Variants in TEC observed in about 807,000 individuals in gnomAD.
TEC encodes tec protein tyrosine kinase, also known as tyrosine-protein kinase Tec.
Under a neutral mutation model 93.0 loss-of-function variants are expected in TEC, and 72 were observed. That is an observed-to-expected ratio of 0.77 (90% confidence interval 0.64 to 0.94). TEC has a LOEUF of 0.94. Ranked by LOEUF, TEC falls within the 40% of genes least tolerant of loss-of-function variation. The probability of loss-of-function intolerance (pLI) is 0.00; values close to 1 mark genes in which losing one functional copy is unlikely to be tolerated. For missense variants in TEC, 630 were observed against 757.9 expected, an observed-to-expected ratio of 0.83 and a Z score of 1.98; for synonymous variants, 249 against 247.7, an observed-to-expected ratio of 1.01 and a Z score of -0.05.
rs543391558 is a variant in TEC at position 48,147,251 on chromosome 4, A to G, written c.1007-852T>C. Among the ~76,000 whole-genome samples, 4 of 152,372 alleles carry G rather than the reference A, an allele frequency of 2.6e-5. No homozygotes were observed. In the East Asian group the frequency reaches 7.7e-4, roughly 29 times the overall value. On this transcript the variant is annotated intron_variant, in intron 11 of 17. Transcript: ENST00000381501. Reference sequence around the variant, plus strand: ...TAAACACAGAGTTACCATATGACGCAGCATACCCATAACTAGGTAAATACC... The same window carrying G: ...TAAACACAGAGTTACCATATGACGCGGCATACCCATAACTAGGTAAATACC...
intron 2 of TEC, among the ~76,000 whole-genome samples, chr4:48,213,390 CT>C (rs1344107788): frequency 1.3e-5 from 2 of 152,140 alleles, no homozygotes; most frequent in African/African-American, 4.8e-5. Context: ...AAATGAAGAG[CT>C]TTGGTAAGAA....
chr4:48,222,681 C>G (rs902700725), intron 2 of TEC, among the ~76,000 whole-genome samples: 9 of 150,198 alleles, frequency 6.0e-5, no homozygotes, highest in African/African-American at 2.2e-4. Flanking sequence ...TTTTCCTTGC[C>G]TCACTACTTG....
chr4:48,242,877 C>A (rs1723955933), intron 1 of TEC, among the ~76,000 whole-genome samples: 1 of 152,170 alleles, frequency 6.6e-6, no homozygotes, highest in African/African-American at 2.4e-5. Flanking sequence ...CTGCCCTTAA[C>A]TGACAAAGCA....
chr4:48,213,999 A>T (rs1426489351), intron 2 of TEC, among the ~76,000 whole-genome samples: 1 of 152,160 alleles, frequency 6.6e-6, no homozygotes, highest in Non-Finnish European at 1.5e-5. Context: ...AATAAAATGG[A>T]ACAAAATTAT....
At chr4:48,168,376 T>C (rs1720959644) in intron 6 of TEC, among the ~76,000 whole-genome samples, 1 of 152,184 alleles carries the variant, frequency 6.6e-6, no homozygotes. Context: ...TCTCCAATGA[T>C]AAAATCTCAT....
At chr4:48,236,596 T>A (rs1723793094) in intron 1 of TEC, among the ~76,000 whole-genome samples, 2 of 152,218 alleles carry the variant, frequency 1.3e-5, no homozygotes, top group South Asian at 2.1e-4. Context: ...ACATCTTTTT[T>A]AAATAAAACT....
intron 3 of TEC, among the ~76,000 whole-genome samples, chr4:48,173,799 C>T (rs78019381): frequency 6.6e-6 from 1 of 152,268 alleles, no homozygotes; most frequent in African/African-American, 2.4e-5. Flanking sequence ...GAAGACATGC[C>T]AGCTCCTGGG....
chr4:48,252,148 G>A (rs1449153043), intron 1 of TEC, among the ~76,000 whole-genome samples: 2 of 152,216 alleles, frequency 1.3e-5, no homozygotes, highest in African/African-American at 4.8e-5. Context: ...ACCTCTCTGA[G>A]CTTGCTTCCT....
At chr4:48,162,651 T>C (rs988425607) in intron 8 of TEC, among the ~76,000 whole-genome samples, 1 of 152,228 alleles carries the variant, frequency 6.6e-6, no homozygotes, top group Non-Finnish European at 1.5e-5. Flanking sequence ...TAAAATTACT[T>C]TGAGAGATCA....
chr4:48,236,443 G>T (rs1359702457), intron 1 of TEC, among the ~76,000 whole-genome samples: 2 of 151,912 alleles, frequency 1.3e-5, no homozygotes, highest in Admixed American at 1.3e-4. Flanking sequence ...CACTACGCCC[G>T]GTTAATTTTT....
chr4:48,259,441 C>T (rs1405123827), intron 1 of TEC, among the ~76,000 whole-genome samples: 2 of 152,114 alleles, frequency 1.3e-5, no homozygotes, highest in Non-Finnish European at 2.9e-5. Flanking sequence ...AGGGGCTGGG[C>T]GCAGTGGCTC....
chr4:48,215,718 C>A (rs1334928331), intron 2 of TEC, among the ~76,000 whole-genome samples: 1 of 152,074 alleles, frequency 6.6e-6, no homozygotes, highest in Non-Finnish European at 1.5e-5. Flanking sequence ...TATTTGCAAG[C>A]AAAGGAGTCT....
At chr4:48,157,299 A>G (rs1036014860) in intron 8 of TEC, among the ~76,000 whole-genome samples, 1 of 152,186 alleles carries the variant, frequency 6.6e-6, no homozygotes, top group African/African-American at 2.4e-5. Flanking sequence ...GGCTCCCTCA[A>G]TGAATTTCAC....
intron 1 of TEC, among the ~76,000 whole-genome samples, chr4:48,238,636 T>C (rs1226699268): frequency 6.7e-6 from 1 of 149,980 alleles, no homozygotes; most frequent in Non-Finnish European, 1.5e-5. Flanking sequence ...TTTCTTATTG[T>C]CCATATGCAG....
At chr4:48,258,828 G>GACTCTA (rs1560427880) in intron 1 of TEC, among the ~76,000 whole-genome samples, 6 of 152,082 alleles carry the variant, frequency 3.9e-5, no homozygotes, top group Admixed American at 6.5e-5. Flanking sequence ...TGTCTGACAT[G>GACTCTA]GTTACCCTCT....
At chr4:48,246,663 C>A (rs137914540) in intron 1 of TEC, among the ~76,000 whole-genome samples, 4 of 151,910 alleles carry the variant, frequency 2.6e-5, no homozygotes, top group South Asian at 2.1e-4. Context: ...CCATCCAATG[C>A]GGAAAGAAAA....
At chr4:48,161,937 T>C (rs1560382660) in intron 8 of TEC, among the ~76,000 whole-genome samples, 1 of 152,188 alleles carries the variant, frequency 6.6e-6, no homozygotes, top group Non-Finnish European at 1.5e-5. Context: ...TCTTCAGCTT[T>C]GGGACTCAGA....
chr4:48,207,618 CAAA>C (rs34141042), intron 2 of TEC, among the ~76,000 whole-genome samples: 2 of 102,534 alleles, frequency 2.0e-5, no homozygotes, highest in Admixed American at 1.1e-4. Flanking sequence ...CATGTCTCTA[CAAA>C]AAAAAAAAAA....
chr4:48,260,609 CA>C (rs71656404), intron 1 of TEC, among the ~76,000 whole-genome samples: 3 of 57,356 alleles, frequency 5.2e-5, no homozygotes, highest in African/African-American at 4.7e-5. Flanking sequence ...GTCTCTAAAA[CA>C]AAAAAAAAGA....
Sources: allele counts gnomAD v4.1 joint callset (sites outside exome capture counted in the v4.1 genomes callset), GRCh38; gene constraint gnomAD v4.1.1; transcripts MANE v1.5; gene names NCBI Gene and HGNC (gene_info 2026-07-23, HGNC 2026-07-21).